INSL6: variants seen among roughly 807,000 people sequenced by gnomAD.
INSL6 encodes insulin like 6.
In INSL6, 16 loss-of-function variants were observed where a neutral mutation model predicts 9.4. The ratio of observed to expected loss-of-function variants is 1.70; its 90% confidence interval spans 1.15 to 2.59. INSL6 has a LOEUF of 2.59. Ranked by LOEUF, INSL6 falls within the 30% of genes most tolerant of loss-of-function variation. The probability of loss-of-function intolerance (pLI) is 0.00; values close to 1 mark genes in which losing one functional copy is unlikely to be tolerated. For synonymous variants in INSL6, 154 were observed against 96.9 expected (o/e 1.59, Z -3.46); for missense variants, 391 against 257.3 (o/e 1.52, Z -3.56).
chr9:5,131,463 G>GTTTTTTTTTTTT (rs1824283095), intron 3 of INSL6, among the ~76,000 whole-genome samples: 1 of 82,910 alleles, frequency 1.2e-5, no homozygotes, highest in African/African-American at 8.9e-5. Context: ...TTGAGACAGA[G>GTTTTTTTTTTTT]TTTTGCTCTT....
In INSL6 at chr9:5,139,713, G is replaced by A. The variant is rs186214720; in HGVS notation, c.377-6121C>T. Among the ~76,000 whole-genome samples the A allele has an allele frequency of 9.8e-5, 15 of 152,290 alleles. No homozygotes were observed. The East Asian group carries it at 2.7e-3, about 27-fold the overall frequency. On this transcript the variant is annotated intron_variant, in intron 2 of 3. Coordinates refer to the INSL6 transcript ENST00000649639. ...AAGTCCAAAGAGGTTAGCTTGACTT[G>A]CTCACATCAAAGATCTGCTCAGGAA...
chr9:5,063,969 A>C, the INSL6 span, among the ~76,000 whole-genome samples: 8 of 152,326 alleles, frequency 5.3e-5, no homozygotes, highest in East Asian at 7.7e-4. Flanking sequence ...CAGCCTGGCC[A>C]ACATGTTGAA....
the INSL6 span, among the ~76,000 whole-genome samples, chr9:5,072,051 C>G: frequency 6.6e-6 from 1 of 152,236 alleles, no homozygotes; most frequent in South Asian, 2.1e-4. Context: ...GAAGAAACCA[C>G]GACAGCTGCA....
chr9:5,143,814 C>A (rs180805465), intron 2 of INSL6, among the ~76,000 whole-genome samples: 3 of 151,946 alleles, frequency 2.0e-5, no homozygotes, highest in Non-Finnish European at 4.4e-5. Flanking sequence ...CACCCACCCC[C>A]ACACCCTGCT....
At chr9:5,038,301 A>T in the INSL6 span, among the ~76,000 whole-genome samples, 10 of 152,156 alleles carry the variant, frequency 6.6e-5, no homozygotes, top group Non-Finnish European at 1.3e-4. Flanking sequence ...CAAATTAGCA[A>T]TTTTTATAAA....
intron 2 of INSL6, among the ~76,000 whole-genome samples, chr9:5,133,782 T>C (rs1466958888): frequency 6.6e-6 from 1 of 151,926 alleles, no homozygotes; most frequent in Non-Finnish European, 1.5e-5. Context: ...CCAGAATGCC[T>C]CTTTTCCTCC....
In INSL6 at chr9:5,177,138, G is replaced by T. The variant is rs952544831; in HGVS notation, c.289+8176C>A. 1.3e-4 allele frequency among the ~76,000 whole-genome samples: 20 copies of T among 152,284 alleles called. 1 individual carries two copies. The highest frequency in any genetic ancestry group is 6.8e-3 in the Middle Eastern group (2 of 294). The stretch of plus-strand genomic sequence containing the variant: ...AGCTGTGATCCATGGCGCTCAGGGA[G>T]AGGAATAAAAGAGTGAATTCAGCAC... On this transcript the variant is annotated intron_variant, in intron 1 of 1. Coordinates refer to ENST00000381641, the MANE Select transcript of INSL6 (RefSeq NM_007179.3).
chr9:5,086,087 C>G, the INSL6 span: 18 of 636,290 alleles, frequency 2.8e-5, no homozygotes, highest in Non-Finnish European at 4.7e-5. Flanking sequence ...AGTCAAGTCC[C>G]TTCTGCCTAT....
At chr9:5,153,879 T>C (rs1207412357) in intron 2 of INSL6, among the ~76,000 whole-genome samples, 1 of 152,172 alleles carries the variant, frequency 6.6e-6, no homozygotes, top group Non-Finnish European at 1.5e-5. Context: ...ATCAATATCG[T>C]CAAAATGGCC....
the INSL6 span, chr9:5,111,841 G>A: frequency 2.4e-3 from 959 of 403,710 alleles, 2 homozygotes; most frequent in Non-Finnish European, 3.1e-3. Flanking sequence ...GCCTGTCGGC[G>A]GGGCCGACAA....
intron 2 of INSL6, among the ~76,000 whole-genome samples, chr9:5,139,400 A>G (rs969277679): frequency 2.0e-5 from 3 of 152,188 alleles, no homozygotes; most frequent in Non-Finnish European, 4.4e-5. Flanking sequence ...TGTAGGGGAT[A>G]ATACTGCCTT....
At chr9:5,036,361 A>T in the INSL6 span, among the ~76,000 whole-genome samples, 44 of 152,328 alleles carry the variant, frequency 2.9e-4, no homozygotes, top group African/African-American at 9.6e-4. Context: ...TTCTTCACAG[A>T]ATTGGAAAAA....
the INSL6 span, among the ~76,000 whole-genome samples, chr9:5,005,800 G>A: frequency 6.6e-6 from 1 of 152,186 alleles, no homozygotes; most frequent in Non-Finnish European, 1.5e-5. Context: ...TTTCTATGTG[G>A]AAAAGTTTTA....
intron 1 of INSL6, among the ~76,000 whole-genome samples, chr9:5,172,321 T>A (rs970620796): frequency 6.6e-6 from 1 of 152,138 alleles, no homozygotes; most frequent in East Asian, 1.9e-4. Flanking sequence ...CAAGCTGAAT[T>A]AAAGACTTAA....
At chr9:5,030,088 G>A in the INSL6 span, among the ~76,000 whole-genome samples, 6 of 152,122 alleles carry the variant, frequency 3.9e-5, no homozygotes, top group African/African-American at 1.2e-4. Context: ...TATACATGTT[G>A]TGTAAGTAGA....
chr9:5,022,046 A>G, the INSL6 span: 1 of 1,614,158 alleles, frequency 6.2e-7, no homozygotes, highest in Non-Finnish European at 8.5e-7. Context: ...TCTTCTATAT[A>G]TCAGAATGGT....
At chr9:5,081,443 C>G in the INSL6 span, among the ~76,000 whole-genome samples, 313 of 152,194 alleles carry the variant, frequency 2.1e-3, no homozygotes, top group Non-Finnish European at 3.9e-3. Context: ...TACTACTCAC[C>G]TTTCTCACAA....
the INSL6 span, among the ~76,000 whole-genome samples, chr9:5,048,345 G>A: frequency 6.6e-6 from 1 of 152,024 alleles, no homozygotes; most frequent in Non-Finnish European, 1.5e-5. Context: ...GTTTCACTAT[G>A]TTGGCCAGGC....
At chr9:5,072,262 G>T in the INSL6 span, among the ~76,000 whole-genome samples, 15 of 152,094 alleles carry the variant, frequency 9.9e-5, no homozygotes, top group African/African-American at 3.4e-4. Flanking sequence ...TTTCAAAACC[G>T]AGTAGAGCCA....
Sources: gnomAD v4.1 joint callset for allele counts (sites outside exome capture counted in the v4.1 genomes callset) on GRCh38, gnomAD v4.1.1 for gene constraint, MANE v1.5 for transcripts, NCBI Gene and HGNC (gene_info 2026-07-23, HGNC 2026-07-21) for gene names.